Variants in ZSCAN12 observed in about 807,000 individuals in gnomAD.
The protein encoded by ZSCAN12 is zinc finger and SCAN domain containing 12.
In ZSCAN12, 18 loss-of-function variants were observed where a neutral mutation model predicts 23.4. That is an observed-to-expected ratio of 0.77 (90% CI 0.53 to 1.14). The LOEUF is 1.14. Among genes scored for constraint, ZSCAN12 ranks in the 50% most tolerant of loss-of-function variants. The pLI is 0.00. For missense variants in ZSCAN12, 650 were observed against 735.0 expected (o/e 0.88, Z 1.34); for synonymous variants, 186 against 253.4 (o/e 0.73, Z 2.53).
At chr6:28,383,823 A>G (rs746211748), downstream of ZSCAN12, among the ~76,000 whole-genome samples, 13 of 152,242 alleles carry the variant, frequency 8.5e-5, no homozygotes, top group Middle Eastern at 6.8e-3. Context: ...CAGGGCTAGG[A>G]GGACTGTGCA....
In ZSCAN12 at chr6:28,386,733, C is replaced by A. The variant is rs902499196; in HGVS notation, c.*3721G>T. ...CTAGTTTAATCCTCTTTGATGCCTACCTGGAAATTCCATGTCACTCCACCT... is the reference window on the plus strand; with the variant it reads ...CTAGTTTAATCCTCTTTGATGCCTAACTGGAAATTCCATGTCACTCCACCT... On this transcript the variant is annotated 3_prime_UTR_variant, in exon 4 of 4. Coordinates refer to ENST00000684592, the MANE Select transcript of ZSCAN12 (RefSeq NM_001163391.2). 6.6e-6 allele frequency among the ~76,000 whole-genome samples: 1 copy of A among 152,222 alleles called. No homozygotes were observed. The highest frequency in any genetic ancestry group is 1.5e-5 in the Non-Finnish European group (1 of 68,052).
chr6:28,383,794 T>G (rs1760407669), downstream of ZSCAN12, among the ~76,000 whole-genome samples: 1 of 152,132 alleles, frequency 6.6e-6, no homozygotes, highest in Non-Finnish European at 1.5e-5. Context: ...AAAGTATACC[T>G]GGGTGGGAGC....
chr6:28,391,194 CT>C lies in ZSCAN12; in HGVS notation c.1095del (p.Ala366ProfsTer260). 1 of 1,551,954 alleles carries C rather than the reference CT, an allele frequency of 6.4e-7. No homozygotes were observed. The highest frequency in any genetic ancestry group is 8.7e-7 in the Non-Finnish European group (1 of 1,147,054). ...EKHYHCNDCG[K>X]AFSQKAGLFH... is the part of the protein sequence containing the mutation. ...AAGAGGCCTGCTTTCTGACTAAAGG[CT>C]TTGCCACAGTCATTACAGTGATAGT... is the stretch of plus-strand genomic sequence containing the variant. On this transcript the variant is annotated frameshift_variant, in exon 4 of 4. Transcript: ENST00000684592. LOFTEE classifies it low-confidence loss of function (END_TRUNC). This position sits in a 1 kb window ranked among gnomAD's most constrained non-coding sequence, Gnocchi z 4.1.
chr6:28,386,498 C>T lies in ZSCAN12; in HGVS notation c.*3956G>A, dbSNP rs951970577. On this transcript the variant is annotated 3_prime_UTR_variant, in exon 4 of 4. Coordinates refer to ENST00000684592, the MANE Select transcript of ZSCAN12 (RefSeq NM_001163391.2). Reference sequence around the variant, plus strand: ...GTTTCCTAGGATCTTGTCACTGTCACACCACATCTATATGTTATCCACAAA... The same window carrying T: ...GTTTCCTAGGATCTTGTCACTGTCATACCACATCTATATGTTATCCACAAA... Among the ~76,000 whole-genome samples the T allele has an allele frequency of 1.3e-5, 2 of 152,192 alleles. No individual in the cohort carries two copies. The highest frequency in any genetic ancestry group is 2.9e-5 in the Non-Finnish European group (2 of 68,030).
chr6:28,394,028 T>G (rs1760992120), intron 2 of ZSCAN12, among the ~76,000 whole-genome samples: 1 of 152,226 alleles, frequency 6.6e-6, no homozygotes, highest in Non-Finnish European at 1.5e-5. Flanking sequence ...GGCTTACGTC[T>G]CTACTTTTGC....
In ZSCAN12 at chr6:28,391,764, T is replaced by C; in HGVS notation, c.548-22A>G. The C allele has an allele frequency of 2.1e-6, 3 of 1,450,276 alleles. No individual in the cohort carries two copies. The highest frequency in any genetic ancestry group is 2.7e-6 in the Non-Finnish European group (3 of 1,099,472). 89.8% of individuals were successfully genotyped at this position (1,450,276 alleles called of 1,614,324 possible). ...AAAACTAAGAAGGGATCATAAATGTTACCTCTTTCTACCTTTAAAATGTAT... is the reference window on the plus strand; with the variant it reads ...AAAACTAAGAAGGGATCATAAATGTCACCTCTTTCTACCTTTAAAATGTAT... On this transcript the variant is annotated intron_variant, in intron 3 of 3. Transcript: ENST00000684592. This position sits in a 1 kb window ranked among gnomAD's most constrained non-coding sequence, Gnocchi z 4.1.
chr6:28,394,484 G>A (rs1761009309), intron 2 of ZSCAN12, among the ~76,000 whole-genome samples: 1 of 152,174 alleles, frequency 6.6e-6, no homozygotes, highest in African/African-American at 2.4e-5. Context: ...TATCTCAGAT[G>A]TATAGAAAAC....
rs1009603535 is a variant in ZSCAN12, at chr6:28,387,628, G to T, written c.*2826C>A. Reference sequence around the variant, plus strand: ...ACCCTTTACCTATTCCTCCATGTAGGCTAATTTTAGAGCAGAGATAATATG... The same window carrying T: ...ACCCTTTACCTATTCCTCCATGTAGTCTAATTTTAGAGCAGAGATAATATG... On this transcript the variant is annotated 3_prime_UTR_variant, in exon 4 of 4. Transcript: ENST00000684592. Among the ~76,000 whole-genome samples the T allele has an allele frequency of 2.6e-5, 4 of 152,114 alleles. No homozygotes were observed. The highest frequency in any genetic ancestry group is 4.4e-5 in the Non-Finnish European group (3 of 68,020).
chr6:28,392,431 C>T (rs1419936713), intron 3 of ZSCAN12, among the ~76,000 whole-genome samples: 1 of 152,198 alleles, frequency 6.6e-6, no homozygotes, highest in Non-Finnish European at 1.5e-5. Flanking sequence ...CCACCTTGGC[C>T]TCCCAAAGTG....
In ZSCAN12 at chr6:28,389,913, C is replaced by T. The variant is rs1760728050; in HGVS notation, c.*541G>A. 6.6e-6 allele frequency among the ~76,000 whole-genome samples: 1 copy of T among 152,112 alleles called. No individual in the cohort carries two copies. Among genetic ancestry groups the T allele is most frequent in the African/African-American group, 2.4e-5 (1 of 41,416 alleles). ...TATGTGTCTGTCCCCAAGCTGTTTC[C>T]AACTTAATGCTATTGATTGCCCAAT... On this transcript the variant is annotated 3_prime_UTR_variant, in exon 4 of 4. Transcript: ENST00000684592.
chr6:28,391,219 G>C lies in ZSCAN12; in HGVS notation c.1071C>G (p.His357Gln). Residue 357 changes from histidine (H) to glutamine (Q), a missense_variant, in exon 4 of 4, where the codon CAC becomes CAG. Coordinates refer to ENST00000684592, the MANE Select transcript of ZSCAN12 (RefSeq NM_001163391.2). This position sits in a 1 kb window ranked among gnomAD's most constrained non-coding sequence, Gnocchi z 4.1. ...QHQRLHTGEKHYHCNDCGKAF... is the reference protein window; with the variant it reads ...QHQRLHTGEKQYHCNDCGKAF... ...CTTTGCCACAGTCATTACAGTGATA[G>C]TGTTTTTCTCCTGTGTGAAGTCTCT... 7.7e-6 allele frequency: 12 copies of C among 1,551,846 alleles called. No homozygotes were observed. The highest frequency in any genetic ancestry group is 1.0e-5 in the Non-Finnish European group (12 of 1,147,052).
chr6:28,397,835 T>C (rs1446829839), intron 2 of ZSCAN12, among the ~76,000 whole-genome samples, 169 bp downstream of exon 2: 3 of 152,118 alleles, frequency 2.0e-5, no homozygotes, highest in Admixed American at 2.0e-4. Flanking sequence ...CACAGAAAAG[T>C]TATAAATAAG....
downstream of ZSCAN12, among the ~76,000 whole-genome samples, chr6:28,384,407 G>C (rs145347291): frequency 6.6e-6 from 1 of 152,284 alleles, no homozygotes; most frequent in Non-Finnish European, 1.5e-5. Flanking sequence ...GGCCAACTGG[G>C]CTTAGGAAAA....
intron 1 of ZSCAN12, among the ~76,000 whole-genome samples, 155 bp from the exon 2 acceptor site, chr6:28,398,628 C>T (rs1298990386): frequency 6.6e-6 from 1 of 151,910 alleles, no homozygotes; most frequent in African/African-American, 2.4e-5. Context: ...TAAGATTAGA[C>T]CGATTTAGGC....
chr6:28,381,324 A>AGTAAACAACGGGATATGATCAAAGTTAC (rs1459453529), downstream of ZSCAN12: 1 of 152,280 alleles, frequency 6.6e-6, no homozygotes, highest in African/African-American at 2.4e-5. Flanking sequence ...TGAGTGGATC[A>AGTAAACAACGGGATATGATCAAAGTTAC]GTAAACAACG....
At chr6:28,383,971 C>G (rs1443346642), downstream of ZSCAN12, among the ~76,000 whole-genome samples, 8 of 152,192 alleles carry the variant, frequency 5.3e-5, no homozygotes, top group Non-Finnish European at 1.2e-4. Flanking sequence ...AAGCACTATT[C>G]TAACACTTCG....
downstream of ZSCAN12, among the ~76,000 whole-genome samples, chr6:28,383,461 G>A (rs982936677): frequency 7.2e-5 from 11 of 152,122 alleles, no homozygotes; most frequent in African/African-American, 2.7e-4. Flanking sequence ...AGCTTCTCTA[G>A]GATTCTGGAG....
Position 28,390,642 on chromosome 6 carries a change from C to G in ZSCAN12, c.1648G>C (p.Glu550Gln). ...LIQHQRIHTG[E>Q]KPYQCDECGK... ...CACTCATCACATTGGTAGGGCTTCT[C>G]CCCAGTGTGGATTCTCTGATGCTGA... The change falls in exon 4 of 4, where the codon GAG becomes CAG. Residue 550 changes from glutamate (E) to glutamine (Q), a missense_variant. Physicochemically the swap from Glu to Gln is conservative, Grantham distance 29 (BLOSUM62 2). Coordinates refer to ENST00000684592, the MANE Select transcript of ZSCAN12 (RefSeq NM_001163391.2). The G allele has an allele frequency of 1.9e-6, 3 of 1,613,428 alleles. No homozygotes were observed. The highest frequency in any genetic ancestry group is 2.5e-6 in the Non-Finnish European group (3 of 1,179,686).
At position 28,391,494 on chromosome 6, in the gene ZSCAN12, T is replaced by G; in HGVS notation, c.796A>C (p.Arg266=). 6.4e-7 allele frequency: 1 copy of G among 1,551,974 alleles called. No homozygotes were observed. The highest frequency in any genetic ancestry group is 8.7e-7 in the Non-Finnish European group (1 of 1,147,056). The part of the protein sequence containing the change: ...TENSDHTEHQ[R]ICPGEESYGC... ...TAAGATTCTTCTCCTGGACAGATTC[T>G]CTGATGTTCAGTATGGTCAGAGTTC... is the stretch of plus-strand genomic sequence containing the variant. Residue 266 remains arginine (R), a synonymous_variant, in exon 4 of 4, where the codon AGA becomes CGA. Transcript: ENST00000684592. The surrounding 1 kb of genome is among the most constrained non-coding windows in gnomAD (Gnocchi z 4.1).
Sources: gnomAD v4.1 joint callset for allele counts (sites outside exome capture counted in the v4.1 genomes callset) on GRCh38, gnomAD v4.1.1 for gene constraint, Gnocchi (gnomAD v3.1) non-coding constraint, MANE v1.5 for transcripts, NCBI Gene and HGNC (gene_info 2026-07-23, HGNC 2026-07-21) for gene names.